THY1: variants seen among roughly 807,000 people sequenced by gnomAD.
The protein encoded by THY1 is Thy-1 cell surface antigen, also known as thy-1 membrane glycoprotein.
A neutral mutation model predicts 14.9 loss-of-function variants in THY1; 10 were observed. That is an observed-to-expected ratio of 0.67 (90% confidence interval 0.41 to 1.14). The LOEUF is 1.14. THY1 is among the 50% of genes most tolerant of loss of function. The probability of loss-of-function intolerance (pLI) is 0.00; values close to 1 mark genes in which losing one functional copy is unlikely to be tolerated. For synonymous variants in THY1, 80 were observed against 90.0 expected, an observed-to-expected ratio of 0.89 and a Z score of 0.63; for missense variants, 159 against 202.1, an observed-to-expected ratio of 0.79 and a Z score of 1.29.
Position 119,420,863 on chromosome 11 carries a change from G to A in THY1, c.37+6C>T, listed in dbSNP as rs775254884. On this transcript the variant is annotated splice_donor_region_variant and intron_variant, in intron 2 of 3. Coordinates refer to ENST00000284240, the MANE Select transcript of THY1 (RefSeq NM_006288.5). ...TGGAGCCCCAGTCCTGCCCCATGCC[G>A]GGTACCTGTTAGCAGGAGAGCGATG... The A allele has an allele frequency of 9.3e-6, 15 of 1,613,992 alleles. No homozygotes were observed. The African/African-American group carries it at 9.3e-5, about 10-fold the overall frequency.
In THY1 at chr11:119,416,213, G is replaced by A. The variant is rs1358439795; in HGVS notation, c.*3195C>T. ...TTGAGCGGGAATTCCACGGCCCTAG[G>A]TATGGACTTAGGTGCTGAAGGGGGG... On this transcript the variant is annotated 3_prime_UTR_variant, in exon 4 of 4. Transcript: ENST00000284240. 1.3e-5 allele frequency among the ~76,000 whole-genome samples: 2 copies of A among 152,180 alleles called. No homozygotes were observed. The highest frequency in any genetic ancestry group is 2.9e-5 in the Non-Finnish European group (2 of 68,028).
intron 1 of THY1, chr11:119,421,198 CTT>C: frequency 2.8e-6 from 1 of 363,486 alleles, no homozygotes. Flanking sequence ...CTTTAAGTAA[CTT>C]TACCACTCTT....
At position 119,418,971 on chromosome 11, in the gene THY1, A is replaced by G; in HGVS notation, c.*437T>C. 1 of 304,276 alleles carries G rather than the reference A, an allele frequency of 3.3e-6. No homozygotes were observed. The allele number at this position is 304,276 out of a possible 1,614,324, so 18.8% of individuals were successfully genotyped here. ...GACAGACCATGTCCGTGCTAGGCCC[A>G]GGCACAGCCCAACCACTCCTCATCC... On this transcript the variant is annotated 3_prime_UTR_variant, in exon 4 of 4. Coordinates refer to ENST00000284240, the MANE Select transcript of THY1 (RefSeq NM_006288.5).
rs191711163 is a variant in THY1, at chr11:119,418,171, C to G, written c.*1237G>C. On this transcript the variant is annotated 3_prime_UTR_variant, in exon 4 of 4. Coordinates refer to ENST00000284240, the MANE Select transcript of THY1 (RefSeq NM_006288.5). The stretch of plus-strand genomic sequence containing the variant: ...TGGAGGAGCGAAGGCCAGGTGGACA[C>G]GAGGACAGATTCCAGAGGCTTGGTT... 6.6e-6 allele frequency: 1 copy of G among 152,584 alleles called. No individual in the cohort carries two copies. Among genetic ancestry groups the G allele is most frequent in the Non-Finnish European group, 1.5e-5 (1 of 68,342 alleles). The allele number at this position is 152,584 out of a possible 1,614,324, so 9.5% of individuals were successfully genotyped here.
upstream of THY1, chr11:119,423,986 A>G (rs56368892): frequency 6.6e-6 from 1 of 152,188 alleles, no homozygotes; most frequent in Non-Finnish European, 1.5e-5. Flanking sequence ...GCGACCTTTA[A>G]CCCATGGCCG....
Position 119,420,313 on chromosome 11 carries a change from G to A in THY1, c.111C>T (p.Asp37=). Residue 37 remains aspartate (D), a synonymous_variant, in exon 3 of 4, where the codon GAC becomes GAT. Coordinates refer to ENST00000284240, the MANE Select transcript of THY1 (RefSeq NM_006288.5). ...AACTGCTGGTATTCTCATGGCGGCA[G>A]TCCAGACGAAGGCTCTGGTCCACTA... ...ACLVDQSLRL[D]CRHENTSSSP... 2 of 1,614,226 alleles carry A rather than the reference G, an allele frequency of 1.2e-6. No homozygotes were observed. Among genetic ancestry groups the A allele is most frequent in the South Asian group, 2.2e-5 (2 of 91,084 alleles).
Position 119,423,149 on chromosome 11 carries a change from GAC to G in THY1, c.-63_-62del, listed in dbSNP as rs1491508258. The stretch of plus-strand genomic sequence containing the variant: ...TCTTCCGCTGCTGCAGCCTCCTCCA[GAC>G]GCGCCGCCGCCTCCGGTTGCTGCAC... On this transcript the variant is annotated 5_prime_UTR_variant, in exon 1 of 4. Coordinates refer to ENST00000284240, the MANE Select transcript of THY1 (RefSeq NM_006288.5). 1.8e-5 allele frequency: 8 copies of G among 455,870 alleles called. No homozygotes were observed. The highest frequency in any genetic ancestry group is 1.2e-4 in the African/African-American group (6 of 50,062). The allele number at this position is 455,870 out of a possible 1,614,324, so 28.2% of individuals were successfully genotyped here.
intron 2 of THY1, 39 bp downstream of exon 2, chr11:119,420,824 GAAGCCA>G: frequency 6.2e-7 from 1 of 1,613,108 alleles, no homozygotes; most frequent in Non-Finnish European, 8.5e-7. Context: ...TGGAGGGAAG[GAAGCCA>G]GGGCGCCTGG....
At chr11:119,420,437 C>A (rs1351076741) in intron 2 of THY1, 51 bp from the exon 3 acceptor site, 2 of 1,514,684 alleles carry the variant, frequency 1.3e-6, no homozygotes, top group Non-Finnish European at 1.8e-6. Flanking sequence ...GGCACAGGGG[C>A]CTCCCACCCA....
intron 1 of THY1, 89 bp from the exon 2 acceptor site, chr11:119,421,018 T>A: frequency 8.1e-7 from 1 of 1,237,412 alleles, no homozygotes. Flanking sequence ...ATAGTGGCTA[T>A]GGCAGTCATC....
At position 119,417,792 on chromosome 11, in the gene THY1, G is replaced by A. The variant is rs754747131; in HGVS notation, c.*1616C>T. The stretch of plus-strand genomic sequence containing the variant: ...CTCGCAATAGTGGATGTGCCTGGAG[G>A]GTACATTTCTGAAGAACTACCAGAG... On this transcript the variant is annotated 3_prime_UTR_variant, in exon 4 of 4. Transcript: ENST00000284240. 1.3e-5 allele frequency: 2 copies of A among 152,208 alleles called. No individual in the cohort carries two copies. Among genetic ancestry groups the A allele is most frequent in the East Asian group, 3.9e-4 (2 of 5,188 alleles). The allele number at this position is 152,208 out of a possible 1,614,324, so 9.4% of individuals were successfully genotyped here.
chr11:119,420,257 C>T lies in THY1; in HGVS notation c.167G>A (p.Arg56His), dbSNP rs375492302. 120 of 1,614,150 alleles carry T rather than the reference C, an allele frequency of 7.4e-5. No homozygotes were observed. Among genetic ancestry groups the T allele is most frequent in the Non-Finnish European group, 9.3e-5 (110 of 1,180,062 alleles). Residue 56 changes from arginine (R) to histidine (H), a missense_variant, in exon 3 of 4, where the codon CGT (arginine) becomes CAT (histidine). Transcript: ENST00000284240. ...AAAGAGCACGTGCTTCTTTGTCTCA[C>T]GGGTCAGGCTGAACTCGTACTGGAT... Reference protein sequence around the residue: ...SPIQYEFSLTRETKKHVLFGT... With the variant: ...SPIQYEFSLTHETKKHVLFGT...
At position 119,419,168 on chromosome 11, in the gene THY1, A is replaced by G. The variant is rs1861840814; in HGVS notation, c.*240T>C. On this transcript the variant is annotated 3_prime_UTR_variant, in exon 4 of 4. Coordinates refer to ENST00000284240, the MANE Select transcript of THY1 (RefSeq NM_006288.5). Reference sequence around the variant, plus strand: ...GAAGGATAAAACCTAAATAAACCAGACAGAAGCAGCTCTGGAACAAAAAGT... The same window carrying G: ...GAAGGATAAAACCTAAATAAACCAGGCAGAAGCAGCTCTGGAACAAAAAGT... 2.6e-5 allele frequency: 14 copies of G among 546,972 alleles called. No homozygotes were observed. The highest frequency in any genetic ancestry group is 4.6e-4 in the Middle Eastern group (1 of 2,168). The allele number at this position is 546,972 out of a possible 1,614,324, so 33.9% of individuals were successfully genotyped here.
Position 119,417,593 on chromosome 11 carries a change from T to A in THY1, c.*1815A>T, listed in dbSNP as rs572872134. On this transcript the variant is annotated 3_prime_UTR_variant, in exon 4 of 4. Coordinates refer to ENST00000284240, the MANE Select transcript of THY1 (RefSeq NM_006288.5). ...CCCCCTCTTGCCCCCAATCCCAGGA[T>A]GCTCGCTTCCATTTTACTCTACTTT... 1 of 152,324 alleles carries A rather than the reference T, an allele frequency of 6.6e-6. No individual in the cohort carries two copies. Among genetic ancestry groups the A allele is most frequent in the East Asian group, 1.9e-4 (1 of 5,176 alleles). 9.4% of individuals were successfully genotyped at this position (152,324 alleles called of 1,614,324 possible).
At position 119,420,306 on chromosome 11, in the gene THY1, G is replaced by C. The variant is rs1231529522; in HGVS notation, c.118C>G (p.His40Asp). ...VDQSLRLDCR[H>D]ENTSSSPIQY... ...ATGGGTGAACTGCTGGTATTCTCAT[G>C]GCGGCAGTCCAGACGAAGGCTCTGG... is the stretch of plus-strand genomic sequence containing the variant. The change falls in exon 3 of 4, where the codon CAT (histidine) becomes GAT (aspartate). Residue 40 changes from histidine to aspartate, a missense_variant. His to Asp is a moderately conservative substitution (Grantham distance 81). Coordinates refer to ENST00000284240, the MANE Select transcript of THY1 (RefSeq NM_006288.5). The C allele has an allele frequency of 1.2e-6, 2 of 1,614,242 alleles. No individual in the cohort carries two copies.
At chr11:119,423,588 TTTTCAGCTGG>T, upstream of THY1, 2 of 204,734 alleles carry the variant, frequency 9.8e-6, no homozygotes, top group South Asian at 1.5e-4. Context: ...CCACATTTCC[TTTTCAGCTGG>T]AGCCCACCTC....
rs1054735 is a variant in THY1 at position 119,419,324 on chromosome 11, G to C, written c.*84C>G. On this transcript the variant is annotated 3_prime_UTR_variant, in exon 4 of 4. Coordinates refer to ENST00000284240, the MANE Select transcript of THY1 (RefSeq NM_006288.5). ...CTTCTCCTCAAGGTTTGAGGGATTG[G>C]GGGGAGGGGGTCAGCTGACTCAGAG... 743,132 of 1,223,372 alleles carry C rather than the reference G, an allele frequency of 0.61. 231,720 individuals carry two copies. Among genetic ancestry groups the C allele is most frequent in the East Asian group, 0.85 (33,982 of 39,954 alleles). 75.8% of individuals were successfully genotyped at this position (1,223,372 alleles called of 1,614,324 possible).
intron 2 of THY1, 46 bp from the exon 3 acceptor site, chr11:119,420,432 AG>A (rs1429468846): frequency 6.5e-7 from 1 of 1,533,500 alleles, no homozygotes; most frequent in Admixed American, 1.9e-5. Flanking sequence ...CCTGCGGCAC[AG>A]GGGCCTCCCA....
chr11:119,421,056 G>C, intron 1 of THY1, 127 bp from the exon 2 acceptor site: 1 of 777,930 alleles, frequency 1.3e-6, no homozygotes, highest in East Asian at 2.6e-5. Flanking sequence ...TCCCCCTCTC[G>C]TCCCTGCATC....
Sources: allele counts gnomAD v4.1 joint callset (sites outside exome capture counted in the v4.1 genomes callset), GRCh38; gene constraint gnomAD v4.1.1; transcripts MANE v1.5; gene names NCBI Gene and HGNC (gene_info 2026-07-23, HGNC 2026-07-21).